Variants in CSMD1 observed in about 807,000 individuals in gnomAD.
CSMD1 encodes CUB and Sushi multiple domains 1, also known as CUB and sushi domain-containing protein 1.
A neutral mutation model predicts 417.5 loss-of-function variants in CSMD1; 213 were observed. The observed-to-expected ratio is 0.51, with a 90% CI of 0.46 to 0.57. CSMD1 has a LOEUF of 0.57. Ranked by LOEUF, CSMD1 falls within the 20% of genes least tolerant of loss-of-function variation. The probability of loss-of-function intolerance (pLI) is 0.00; values close to 1 mark genes in which losing one functional copy is unlikely to be tolerated. For synonymous variants in CSMD1, 2,862 were observed against 1,736.8 expected (o/e 1.65, Z -16.11); for missense variants, 6,923 against 4,529.7 (o/e 1.53, Z -15.17).
chr8:4,151,716 AATT>A (rs1159263542), intron 3 of CSMD1, among the ~76,000 whole-genome samples: 1 of 152,244 alleles, frequency 6.6e-6, no homozygotes, highest in Non-Finnish European at 1.5e-5. Flanking sequence ...CACACAGATA[AATT>A]AACAGCGGGT....
intron 3 of CSMD1, among the ~76,000 whole-genome samples, chr8:4,386,270 C>T (rs569360439): frequency 8.6e-5 from 13 of 150,918 alleles, no homozygotes; most frequent in Admixed American, 2.6e-4. Context: ...CTTCCATCCC[C>T]GGTTATGACT....
chr8:3,504,120 A>G (rs1233791782), intron 10 of CSMD1, among the ~76,000 whole-genome samples: 2 of 152,174 alleles, frequency 1.3e-5, no homozygotes, highest in Non-Finnish European at 2.9e-5. Context: ...CAAAGAAATG[A>G]TGAATGTTTG....
intron 5 of CSMD1, among the ~76,000 whole-genome samples, chr8:3,761,217 C>A (rs993678755): frequency 1.3e-5 from 2 of 151,968 alleles, no homozygotes; most frequent in African/African-American, 4.8e-5. Flanking sequence ...ATTGCAAGAA[C>A]ATGAAAAACA....
chr8:4,196,453 A>C (rs1282796794), intron 3 of CSMD1, among the ~76,000 whole-genome samples: 2 of 152,130 alleles, frequency 1.3e-5, no homozygotes, highest in Admixed American at 1.3e-4. Context: ...CTCTTAGGGA[A>C]AATCTGTCCA....
intron 1 of CSMD1, among the ~76,000 whole-genome samples, chr8:4,912,521 C>T (rs967137680): frequency 6.6e-6 from 1 of 152,122 alleles, no homozygotes; most frequent in Non-Finnish European, 1.5e-5. Flanking sequence ...GCCAGATGCC[C>T]CATAAGCTCG....
At chr8:2,971,323 C>G (rs894785762) in intron 57 of CSMD1, among the ~76,000 whole-genome samples, 2 of 152,014 alleles carry the variant, frequency 1.3e-5, no homozygotes, top group Admixed American at 1.3e-4. Flanking sequence ...GGACCCAATC[C>G]GAGACCACAC....
chr8:3,617,455 A>G (rs1489508334), intron 7 of CSMD1, among the ~76,000 whole-genome samples: 2 of 152,182 alleles, frequency 1.3e-5, no homozygotes, highest in African/African-American at 4.8e-5. Flanking sequence ...TTGTCTAATC[A>G]AACTAACACA....
chr8:4,316,146 C>A (rs6993557), intron 3 of CSMD1, among the ~76,000 whole-genome samples: 1 of 152,170 alleles, frequency 6.6e-6, no homozygotes, highest in African/African-American at 2.4e-5. Context: ...CTTCAACAAT[C>A]CAAATACTCC....
intron 23 of CSMD1, among the ~76,000 whole-genome samples, chr8:3,342,224 T>A (rs948932781): frequency 6.6e-6 from 1 of 151,830 alleles, no homozygotes; most frequent in Non-Finnish European, 1.5e-5. Flanking sequence ...CACCTGTGAT[T>A]TTTTCCTCCT....
intron 12 of CSMD1, among the ~76,000 whole-genome samples, chr8:3,413,348 C>G (rs771878362): frequency 3.3e-5 from 5 of 152,120 alleles, no homozygotes; most frequent in Non-Finnish European, 5.9e-5. Flanking sequence ...GGTCTTTCTG[C>G]TTTCCATGCT....
At position 3,600,678 on chromosome 8, in the gene CSMD1, C is replaced by G. The variant is rs767980696; in HGVS notation, c.1098-14418G>C. On this transcript the variant is annotated intron_variant, in intron 8 of 69. Coordinates refer to ENST00000635120, the MANE Select transcript of CSMD1 (RefSeq NM_033225.6). Reference sequence around the variant, plus strand: ...AGAGACAGAAAACCATTGCTCTGGTCTAAAGCGAAAGTCTGCAGGGGCGGT... The same window carrying G: ...AGAGACAGAAAACCATTGCTCTGGTGTAAAGCGAAAGTCTGCAGGGGCGGT... Among the ~76,000 whole-genome samples the G allele has an allele frequency of 2.0e-5, 3 of 152,258 alleles. No homozygotes were observed. The East Asian group carries it at 5.8e-4, about 29-fold the overall frequency.
chr8:4,819,151 T>C (rs1283637873), intron 1 of CSMD1, among the ~76,000 whole-genome samples: 1 of 152,220 alleles, frequency 6.6e-6, no homozygotes. Context: ...CCTTCTGCTC[T>C]ACTGGTGTCC....
chr8:3,994,167 A>C (rs1388486499), intron 5 of CSMD1, among the ~76,000 whole-genome samples: 1 of 152,156 alleles, frequency 6.6e-6, no homozygotes, highest in African/African-American at 2.4e-5. Flanking sequence ...TTTTCAATGC[A>C]TTTATTTTTA....
intron 26 of CSMD1, among the ~76,000 whole-genome samples, chr8:3,273,988 C>G (rs2117171587): frequency 6.6e-6 from 1 of 151,458 alleles, no homozygotes; most frequent in East Asian, 1.9e-4. Flanking sequence ...TGTGTTTGCT[C>G]TTGCTTTTCT....
intron 6 of CSMD1, among the ~76,000 whole-genome samples, chr8:3,740,942 G>T (rs998050551): frequency 6.6e-6 from 1 of 151,966 alleles, no homozygotes; most frequent in Non-Finnish European, 1.5e-5. Flanking sequence ...GGGGCCAGGG[G>T]TAGTGGCTCA....
At chr8:3,668,148 C>T (rs1448240182) in intron 7 of CSMD1, among the ~76,000 whole-genome samples, 1 of 152,122 alleles carries the variant, frequency 6.6e-6, no homozygotes, top group East Asian at 1.9e-4. Context: ...GATAACGAAT[C>T]TACAGGGGTG....
At chr8:3,003,706 G>A (rs1385156885) in intron 52 of CSMD1, among the ~76,000 whole-genome samples, 1 of 152,182 alleles carries the variant, frequency 6.6e-6, no homozygotes, top group African/African-American at 2.4e-5. Flanking sequence ...AGTCCTGAGG[G>A]TGTGCGGACC....
intron 25 of CSMD1, among the ~76,000 whole-genome samples, chr8:3,293,828 TGTCAAA>T (rs1563235816): frequency 6.6e-6 from 1 of 152,204 alleles, no homozygotes. Flanking sequence ...TCTCTCAACT[TGTCAAA>T]GTCATTCTCC....
intron 7 of CSMD1, among the ~76,000 whole-genome samples, chr8:3,639,075 C>G (rs776726361): frequency 3.3e-4 from 50 of 152,312 alleles, no homozygotes; most frequent in South Asian, 8.3e-4. Flanking sequence ...TCAGCCTACT[C>G]TCAACTTCCA....
Sources: allele counts gnomAD v4.1 joint callset (sites outside exome capture counted in the v4.1 genomes callset), GRCh38; gene constraint gnomAD v4.1.1; transcripts MANE v1.5; gene names NCBI Gene and HGNC (gene_info 2026-07-23, HGNC 2026-07-21).